The following PZP variants were observed in gnomAD, a reference collection of about 807,000 sequenced individuals.
PZP encodes pregnancy zone protein.
In PZP, 150 loss-of-function variants were observed where a neutral mutation model predicts 179.8. The observed-to-expected ratio is 0.83, with a 90% confidence interval of 0.73 to 0.96. The LOEUF (loss-of-function observed/expected upper bound fraction) is 0.96. Ranked by LOEUF, PZP falls within the 40% of genes least tolerant of loss-of-function variation. The pLI, the probability that PZP is intolerant of heterozygous loss-of-function variation, is 0.00. For synonymous variants in PZP, 624 were observed against 652.3 expected (o/e 0.96, Z 0.66); for missense variants, 1,689 against 1,764.0 (o/e 0.96, Z 0.76).
At position 9,158,342 on chromosome 12, in the gene PZP, G is replaced by T. The variant is rs1331943840; in HGVS notation, c.3294+78C>A. The T allele has an allele frequency of 3.9e-6, 6 of 1,544,690 alleles. No homozygotes were observed. The Admixed American group carries it at 1.1e-4, about 27-fold the overall frequency. On this transcript the variant is annotated intron_variant, in intron 26 of 35. Coordinates refer to ENST00000261336, the MANE Select transcript of PZP (RefSeq NM_002864.3). ...AGGACTTCATCTTTGCAATTTCCTT[G>T]TGCCTCCTTCCTCCCTTCACCCCTG...
chr12:9,196,566 C>A lies in PZP; in HGVS notation c.982+5G>T. ...TTATTTCCCATATTCGTTCATTACT[C>A]ACACCTGTCCCCTCTTCTCTGATCC... is the stretch of plus-strand genomic sequence containing the variant. On this transcript the variant is annotated splice_donor_5th_base_variant and intron_variant, in intron 9 of 35. Transcript: ENST00000261336. 1 of 1,595,988 alleles carries A rather than the reference C, an allele frequency of 6.3e-7. No individual in the cohort carries two copies. Among genetic ancestry groups the A allele is most frequent in the South Asian group, 1.1e-5 (1 of 90,680 alleles).
chr12:9,164,479 C>T (rs1035115971), intron 19 of PZP, among the ~76,000 whole-genome samples: 1 of 152,150 alleles, frequency 6.6e-6, no homozygotes, highest in Non-Finnish European at 1.5e-5. Context: ...CTTAGGGTAG[C>T]TTGTGGACGT....
At chr12:9,136,683 C>A in the PZP span, among the ~76,000 whole-genome samples, 1 of 152,020 alleles carries the variant, frequency 6.6e-6, no homozygotes, top group African/African-American at 2.4e-5. Flanking sequence ...CACATCTTTG[C>A]CAACCACTTG....
At chr12:9,168,673 G>T in intron 17 of PZP, 196 bp downstream of exon 17, 1 of 502,018 alleles carries the variant, frequency 2.0e-6, no homozygotes, top group Non-Finnish European at 3.5e-6. Context: ...TGAAGTATCG[G>T]ATGTATCTAA....
At chr12:9,182,306 A>G (rs1445688839) in intron 13 of PZP, among the ~76,000 whole-genome samples, 189 bp from the exon 14 acceptor site, 1 of 152,204 alleles carries the variant, frequency 6.6e-6, no homozygotes, top group Non-Finnish European at 1.5e-5. Context: ...TCCCTTCAGA[A>G]CTTTAATTAT....
chr12:9,140,590 C>G, the PZP span, among the ~76,000 whole-genome samples: 3 of 152,206 alleles, frequency 2.0e-5, no homozygotes, highest in Admixed American at 2.0e-4. Context: ...TTACCTAGGC[C>G]TTTTAAACTG....
intron 1 of PZP, among the ~76,000 whole-genome samples, chr12:9,204,194 T>C (rs915698296): frequency 6.6e-6 from 1 of 152,206 alleles, no homozygotes; most frequent in Non-Finnish European, 1.5e-5. Context: ...TCCAAGATGT[T>C]ACAATTTCAC....
chr12:9,136,580 A>T, the PZP span, among the ~76,000 whole-genome samples: 3 of 152,200 alleles, frequency 2.0e-5, no homozygotes, highest in Non-Finnish European at 2.9e-5. Context: ...ATATACATAT[A>T]TACAAATATA....
At chr12:9,138,813 G>T in the PZP span, among the ~76,000 whole-genome samples, 2 of 152,026 alleles carry the variant, frequency 1.3e-5, no homozygotes, top group South Asian at 2.1e-4. Context: ...ATTTCTAAAA[G>T]AGCAGTTATA....
In PZP at chr12:9,188,509, G is replaced by A. The variant is rs772269581; in HGVS notation, c.1546+3684C>T. On this transcript the variant is annotated intron_variant, in intron 13 of 35. Transcript: ENST00000261336. Reference sequence around the variant, plus strand: ...ACCACTCCTATTGAACACAGTATTGGAAGTCCTCACCAGAACAATCGGGCA... The same window carrying A: ...ACCACTCCTATTGAACACAGTATTGAAAGTCCTCACCAGAACAATCGGGCA... Among the ~76,000 whole-genome samples, 4 of 152,292 alleles carry A rather than the reference G, an allele frequency of 2.6e-5. No homozygotes were observed. The South Asian group carries it at 8.3e-4, about 32-fold the overall frequency.
chr12:9,164,149 C>A lies in PZP; in HGVS notation c.2598G>T (p.Val866=). The part of the protein sequence containing the change: ...GNERQTLSWT[V]TPKTLGNVNF... Reference sequence around the variant, plus strand: ...GTCACTCACCCAGAGTTTTAGGAGTCACTGTCCAAGACAAGGTTTGTCTCT... The same window carrying A: ...GTCACTCACCCAGAGTTTTAGGAGTAACTGTCCAAGACAAGGTTTGTCTCT... The change falls in exon 20 of 36, where the codon GTG becomes GTT. Residue 866 remains valine, a synonymous_variant. Coordinates refer to ENST00000261336, the MANE Select transcript of PZP (RefSeq NM_002864.3). 6.2e-7 allele frequency: 1 copy of A among 1,611,644 alleles called. No individual in the cohort carries two copies. Among genetic ancestry groups the A allele is most frequent in the South Asian group, 1.1e-5 (1 of 90,954 alleles).
chr12:9,172,933 A>G lies in PZP; in HGVS notation c.1840-3342T>C, dbSNP rs138445877. Reference sequence around the variant, plus strand: ...GACAGATGATTAAGACAGAAAATTAACAAAGATATTTAGGACCTGAACTCA... The same window carrying G: ...GACAGATGATTAAGACAGAAAATTAGCAAAGATATTTAGGACCTGAACTCA... On this transcript the variant is annotated intron_variant, in intron 15 of 35. Coordinates refer to ENST00000261336, the MANE Select transcript of PZP (RefSeq NM_002864.3). 3.0e-3 allele frequency among the ~76,000 whole-genome samples: 456 copies of G among 152,370 alleles called. 2 individuals are homozygous for G. Among genetic ancestry groups the G allele is most frequent in the African/African-American group, 0.011 (441 of 41,588 alleles).
In PZP at chr12:9,154,838, G is replaced by T; in HGVS notation, c.3552C>A (p.Asp1184Glu). 1 of 1,612,860 alleles carries T rather than the reference G, an allele frequency of 6.2e-7. No individual in the cohort carries two copies. The highest frequency in any genetic ancestry group is 2.2e-5 in the East Asian group (1 of 44,884). ...NSLDKEAVKE[D>E]NLVHWERPQR... Reference sequence around the variant, plus strand: ...GAGGGCGCTCCCAATGGACGAGGTTGTCTTAAGGGTGAGAAAAAGGAGATA... The same window carrying T: ...GAGGGCGCTCCCAATGGACGAGGTTTTCTTAAGGGTGAGAAAAAGGAGATA... Residue 1184 changes from aspartate to glutamate, a missense_variant and splice_region_variant, in exon 29 of 36, where the codon GAC becomes GAA. Asp to Glu is a conservative substitution (Grantham distance 45). This residue lies in a region of PZP where 746 missense variants were observed against 749.2 expected (regional missense o/e 1.00). Coordinates refer to ENST00000261336, the MANE Select transcript of PZP (RefSeq NM_002864.3).
At chr12:9,179,257 A>G (rs1942598035) in intron 15 of PZP, among the ~76,000 whole-genome samples, 1 of 152,176 alleles carries the variant, frequency 6.6e-6, no homozygotes, top group Non-Finnish European at 1.5e-5. Context: ...CCAAATGGCA[A>G]TTATTAACCA....
At chr12:9,183,378 A>C (rs141320700) in intron 13 of PZP, among the ~76,000 whole-genome samples, 1 of 151,198 alleles carries the variant, frequency 6.6e-6, no homozygotes, top group Non-Finnish European at 1.5e-5. Context: ...GTGTCCCATA[A>C]CGTTATGTTG....
At chr12:9,155,321 A>G (rs1189116264) in intron 28 of PZP, among the ~76,000 whole-genome samples, 1 of 152,062 alleles carries the variant, frequency 6.6e-6, no homozygotes, top group Admixed American at 6.5e-5. Flanking sequence ...CAACTGAATC[A>G]GTCCGTTTTT....
rs150171551 is a variant in PZP, at chr12:9,155,203, CAT to C, written c.3551-366_3551-365del. 4.6e-3 allele frequency among the ~76,000 whole-genome samples: 700 copies of C among 152,332 alleles called. 5 individuals carry two copies. The highest frequency in any genetic ancestry group is 0.016 in the African/African-American group (645 of 41,580). ...GAATATAAAACTTAACTATTGACCTCATGTGACTTTTGTGATGCTCTCTCTGG... is the reference window on the plus strand; with the variant it reads ...GAATATAAAACTTAACTATTGACCTCGTGACTTTTGTGATGCTCTCTCTGG... On this transcript the variant is annotated intron_variant, in intron 28 of 35. Transcript: ENST00000261336.
intron 13 of PZP, among the ~76,000 whole-genome samples, chr12:9,188,477 C>T (rs1229825112): frequency 6.6e-6 from 1 of 152,194 alleles, no homozygotes; most frequent in Non-Finnish European, 1.5e-5. Context: ...CAAGGATGTC[C>T]TCTCTCACCA....
intron 28 of PZP, among the ~76,000 whole-genome samples, chr12:9,156,970 G>A (rs113330873): frequency 0.023 from 3,458 of 151,386 alleles, 134 homozygotes; most frequent in African/African-American, 0.078. Flanking sequence ...ACATGTGCAG[G>A]ATGTGCAGGT....
Sources: allele counts gnomAD v4.1 joint callset (sites outside exome capture counted in the v4.1 genomes callset), GRCh38; gene constraint gnomAD v4.1.1; regional missense constraint gnomAD v4.1.1; transcripts MANE v1.5; gene names NCBI Gene and HGNC (gene_info 2026-07-23, HGNC 2026-07-21).